Variants in IGDCC3 observed in about 807,000 individuals in gnomAD.
The protein encoded by IGDCC3 is putative neuronal cell adhesion molecule.
Under a neutral mutation model 72.0 loss-of-function variants are expected in IGDCC3, and 47 were observed. The ratio of observed to expected loss-of-function variants is 0.65; its 90% CI spans 0.52 to 0.83. The LOEUF is 0.83. IGDCC3 is among the 40% of genes least tolerant of loss of function. The pLI is 0.00. For synonymous variants in IGDCC3, 477 were observed against 472.8 expected (o/e 1.01, Z -0.11); for missense variants, 1,038 against 1,091.3 (o/e 0.95, Z 0.69).
intron 2 of IGDCC3, among the ~76,000 whole-genome samples, chr15:65,349,389 C>T (rs1385612901): frequency 6.6e-6 from 1 of 152,102 alleles, no homozygotes; most frequent in Non-Finnish European, 1.5e-5. Context: ...CCTTACCAGT[C>T]AGATTTTGGG....
intron 2 of IGDCC3, among the ~76,000 whole-genome samples, chr15:65,344,149 C>A (rs944751202): frequency 1.3e-5 from 2 of 152,150 alleles, no homozygotes; most frequent in African/African-American, 4.8e-5. Flanking sequence ...AGCGGGGAGG[C>A]TGTGTGGCAT....
intron 2 of IGDCC3, among the ~76,000 whole-genome samples, chr15:65,357,281 C>G (rs1391096434): frequency 6.6e-6 from 1 of 152,132 alleles, no homozygotes; most frequent in Non-Finnish European, 1.5e-5. Flanking sequence ...TTCCAGTGTT[C>G]TATCAGATTT....
intron 2 of IGDCC3, among the ~76,000 whole-genome samples, chr15:65,359,639 G>C (rs1434941193): frequency 6.6e-6 from 1 of 152,176 alleles, no homozygotes; most frequent in East Asian, 1.9e-4. Context: ...GTCAGACCTT[G>C]GAAGAAGGGT....
intron 5 of IGDCC3, 34 bp from the exon 6 acceptor site, chr15:65,333,449 T>G (rs374665134): frequency 1.9e-4 from 297 of 1,557,014 alleles, no homozygotes; most frequent in Non-Finnish European, 2.4e-4. Context: ...TGGGTGAGGG[T>G]CAGATAGAGA....
At chr15:65,337,093 G>A (rs958096245) in intron 2 of IGDCC3, among the ~76,000 whole-genome samples, 9 of 152,098 alleles carry the variant, frequency 5.9e-5, no homozygotes, top group South Asian at 2.1e-4. Flanking sequence ...CACCCTCCCC[G>A]TGGCCCCCAT....
chr15:65,344,558 G>A (rs1431823002), intron 2 of IGDCC3, among the ~76,000 whole-genome samples: 1 of 152,200 alleles, frequency 6.6e-6, no homozygotes, highest in African/African-American at 2.4e-5. Context: ...GTTGGATTCC[G>A]CTTGGGAATG....
chr15:65,367,743 C>T (rs2140169445), intron 2 of IGDCC3, among the ~76,000 whole-genome samples: 1 of 152,172 alleles, frequency 6.6e-6, no homozygotes, highest in African/African-American at 2.4e-5. Flanking sequence ...CTATCACCTC[C>T]TCTTGCCCTA....
chr15:65,377,745 GGGGC>G lies in IGDCC3; in HGVS notation c.40_43del (p.Ala14ArgfsTer45). Reference sequence around the variant, plus strand: ...CGGCAGCAGGAGCCGGGGCCAGAGCGGGGCGGGCGGGCGGCGCGGAGACGCGGCG... The same window carrying G: ...CGGCAGCAGGAGCCGGGGCCAGAGCGGGGCGGGCGGCGCGGAGACGCGGCG... On this transcript the variant is annotated frameshift_variant, in exon 1 of 14. Coordinates refer to ENST00000327987, the MANE Select transcript of IGDCC3 (RefSeq NM_004884.4). LOFTEE classifies it high-confidence loss of function. The surrounding 1 kb of genome is among the most constrained non-coding windows in gnomAD (Gnocchi z 4.9). The G allele has an allele frequency of 9.8e-6, 13 of 1,321,912 alleles. No individual in the cohort carries two copies. In the South Asian group the frequency reaches 1.0e-4, roughly 11 times the overall value. 81.9% of individuals were successfully genotyped at this position (1,321,912 alleles called of 1,614,324 possible). A position where few individuals can be genotyped will look rare whatever the true frequency, so the allele number is the denominator to read the frequency against.
At position 65,329,633 on chromosome 15, in the gene IGDCC3, G is replaced by A. The variant is rs2090958152; in HGVS notation, c.1998-36C>T. On this transcript the variant is annotated intron_variant, in intron 12 of 13. Transcript: ENST00000327987. The surrounding 1 kb of genome is among the most constrained non-coding windows in gnomAD (Gnocchi z 4.1). ...GCCAAGAGTTGGGGGGAGGGAGAGAGAAAAGAGACAGAGGCAGTGAGCCCA... is the reference window on the plus strand; with the variant it reads ...GCCAAGAGTTGGGGGGAGGGAGAGAAAAAAGAGACAGAGGCAGTGAGCCCA... 1 of 1,611,926 alleles carries A rather than the reference G, an allele frequency of 6.2e-7. No individual in the cohort carries two copies.
At chr15:65,370,734 A>C (rs2091321250) in intron 2 of IGDCC3, among the ~76,000 whole-genome samples, 1 of 149,744 alleles carries the variant, frequency 6.7e-6, no homozygotes, top group African/African-American at 2.5e-5. Flanking sequence ...GGTAATCTTC[A>C]CAATATTTCT....
At chr15:65,346,224 T>A (rs2091122683) in intron 2 of IGDCC3, among the ~76,000 whole-genome samples, 1 of 152,060 alleles carries the variant, frequency 6.6e-6, no homozygotes, top group South Asian at 2.1e-4. Flanking sequence ...TTTCTATTAA[T>A]ACAGGCAAAT....
chr15:65,333,448 G>C (rs767485292), intron 5 of IGDCC3, 33 bp from the exon 6 acceptor site: 5 of 1,558,400 alleles, frequency 3.2e-6, no homozygotes, highest in Non-Finnish European at 4.3e-6. Flanking sequence ...ATGGGTGAGG[G>C]TCAGATAGAG....
intron 2 of IGDCC3, chr15:65,373,458 C>T (rs2091339622): frequency 6.6e-6 from 1 of 152,378 alleles, no homozygotes; most frequent in Admixed American, 6.5e-5. Context: ...GGGCCTGGAT[C>T]TGCCTTCCTC....
At chr15:65,337,874 G>A (rs1040731659) in intron 2 of IGDCC3, among the ~76,000 whole-genome samples, 1 of 152,236 alleles carries the variant, frequency 6.6e-6, no homozygotes, top group Admixed American at 6.5e-5. Context: ...GGGACCTGGG[G>A]TGGGGACTAA....
chr15:65,361,836 G>A (rs989957164), intron 2 of IGDCC3, among the ~76,000 whole-genome samples: 5 of 152,214 alleles, frequency 3.3e-5, no homozygotes, highest in Non-Finnish European at 5.9e-5. Flanking sequence ...CCTGCCTCGA[G>A]GACGAGGCAT....
At chr15:65,364,904 T>C (rs1177414442) in intron 2 of IGDCC3, among the ~76,000 whole-genome samples, 1 of 151,598 alleles carries the variant, frequency 6.6e-6, no homozygotes, top group Non-Finnish European at 1.5e-5. Context: ...AAAAGAAAAA[T>C]AGAACATGCA....
At chr15:65,363,403 G>A (rs574569789) in intron 2 of IGDCC3, among the ~76,000 whole-genome samples, 54 of 152,296 alleles carry the variant, frequency 3.5e-4, no homozygotes, top group African/African-American at 1.2e-3. Flanking sequence ...ATCCAGGGCC[G>A]CCTGCTGGAC....
chr15:65,357,855 C>A (rs746020158), intron 2 of IGDCC3, among the ~76,000 whole-genome samples: 2 of 152,142 alleles, frequency 1.3e-5, no homozygotes, highest in Non-Finnish European at 2.9e-5. Flanking sequence ...CTGCAGCTGC[C>A]GAACTACTCC....
In IGDCC3 at chr15:65,329,127, G is replaced by C; in HGVS notation, c.2227C>G (p.Pro743Ala). 6.2e-7 allele frequency: 1 copy of C among 1,609,232 alleles called. No homozygotes were observed. Among genetic ancestry groups the C allele is most frequent in the Non-Finnish European group, 8.5e-7 (1 of 1,178,564 alleles). ...RPTQDPAAPA[P>A]CEETQLSVLP... ...ACGGAGAGCTGGGTCTCCTCACACG[G>C]AGCGGGGGCTGCAGGATCCTGCTGG... The change falls in exon 14 of 14, where the codon CCG (proline) becomes GCG (alanine). Residue 743 changes from proline to alanine, a missense_variant. Transcript: ENST00000327987. This position sits in a 1 kb window ranked among gnomAD's most constrained non-coding sequence, Gnocchi z 4.1.
Sources: allele counts gnomAD v4.1 joint callset (sites outside exome capture counted in the v4.1 genomes callset), GRCh38; gene constraint gnomAD v4.1.1; non-coding constraint Gnocchi (gnomAD v3.1); transcripts MANE v1.5; gene names NCBI Gene and HGNC (gene_info 2026-07-23, HGNC 2026-07-21).